Variants in STK32B observed in about 807,000 individuals in gnomAD.
STK32B encodes serine/threonine-protein kinase 32B.
In STK32B, 43 loss-of-function variants were observed where a neutral mutation model predicts 52.6. The ratio of observed to expected loss-of-function variants is 0.82; its 90% CI spans 0.64 to 1.05. The LOEUF (loss-of-function observed/expected upper bound fraction) is 1.05, where lower values mean the gene tolerates loss of function less well. Ranked by LOEUF, STK32B falls within the 50% of genes least tolerant of loss-of-function variation. The probability of loss-of-function intolerance (pLI) is 0.00; values close to 1 mark genes in which losing one functional copy is unlikely to be tolerated. For synonymous variants in STK32B, 238 were observed against 204.3 expected (o/e 1.17, Z -1.41); for missense variants, 621 against 534.6 (o/e 1.16, Z -1.59).
intron 3 of STK32B, among the ~76,000 whole-genome samples, chr4:5,312,991 C>A (rs925441931): frequency 2.6e-5 from 4 of 151,880 alleles, no homozygotes; most frequent in African/African-American, 9.7e-5. Flanking sequence ...CTTGTATTAT[C>A]CTGATAACAA....
the STK32B span, among the ~76,000 whole-genome samples, chr4:5,031,945 C>G: frequency 1.3e-4 from 20 of 152,332 alleles, no homozygotes; most frequent in Non-Finnish European, 2.9e-4. Context: ...AATTCCCCAA[C>G]TGGGAAACAG....
chr4:5,255,864 A>G (rs145679034), intron 3 of STK32B, among the ~76,000 whole-genome samples: 4 of 152,286 alleles, frequency 2.6e-5, no homozygotes, highest in Admixed American at 6.5e-5. Flanking sequence ...GGGGGATTCT[A>G]TGAATAAAGC....
chr4:5,086,091 T>C (rs942104092), intron 1 of STK32B, among the ~76,000 whole-genome samples: 4 of 152,152 alleles, frequency 2.6e-5, no homozygotes, highest in Non-Finnish European at 5.9e-5. Flanking sequence ...GTGCAAACAA[T>C]AGACTAAAAA....
intron 11 of STK32B, among the ~76,000 whole-genome samples, chr4:5,498,479 A>ATGAC (rs1241695783): frequency 6.6e-6 from 1 of 152,176 alleles, no homozygotes; most frequent in Non-Finnish European, 1.5e-5. Flanking sequence ...GACAAAGAAT[A>ATGAC]TGACTGTTTG....
chr4:5,107,406 C>T (rs993412684), intron 1 of STK32B, among the ~76,000 whole-genome samples: 8 of 152,278 alleles, frequency 5.3e-5, no homozygotes, highest in East Asian at 1.9e-4. Flanking sequence ...AAATCATCCT[C>T]CCCTTCCCCC....
In STK32B at chr4:5,368,187, A is replaced by G. The variant is rs549860977; in HGVS notation, c.435-30020A>G. ...ACATCCTCTACCCGGAGGTGTCCCA[A>G]TAGTAATCACAATGGCAAACTCACC... On this transcript the variant is annotated intron_variant, in intron 4 of 11. Transcript: ENST00000282908. Among the ~76,000 whole-genome samples, 12 of 152,016 alleles carry G rather than the reference A, an allele frequency of 7.9e-5. No homozygotes were observed. In the South Asian group the frequency reaches 1.0e-3, roughly 13 times the overall value.
At chr4:5,228,977 A>G (rs1428813599) in intron 3 of STK32B, among the ~76,000 whole-genome samples, 2 of 152,182 alleles carry the variant, frequency 1.3e-5, no homozygotes, top group African/African-American at 4.8e-5. Context: ...CAAAAGAAAA[A>G]AAAAGTTATG....
At chr4:5,439,064 T>G (rs535241481) in intron 6 of STK32B, among the ~76,000 whole-genome samples, 1 of 149,414 alleles carries the variant, frequency 6.7e-6, no homozygotes. Flanking sequence ...AATAAACATA[T>G]GTGTGCATGT....
rs747687413 is a variant in STK32B, at chr4:5,069,629, CAT to C, written c.52+17715_52+17716del. Among the ~76,000 whole-genome samples the C allele has an allele frequency of 5.9e-5, 9 of 152,318 alleles. No homozygotes were observed. The East Asian group carries it at 1.4e-3, about 23-fold the overall frequency. On this transcript the variant is annotated intron_variant, in intron 1 of 11. Transcript: ENST00000282908. Reference sequence around the variant, plus strand: ...TCACCTCTCTGACCCTCAGTCTCCTCATGTGTAAAGTGAGGGTTAAATGGTAC... The same window carrying C: ...TCACCTCTCTGACCCTCAGTCTCCTCGTGTAAAGTGAGGGTTAAATGGTAC...
chr4:5,352,629 A>C (rs1560344739), intron 4 of STK32B, among the ~76,000 whole-genome samples: 1 of 151,070 alleles, frequency 6.6e-6, no homozygotes, highest in Non-Finnish European at 1.5e-5. Context: ...AAAAAAAAAA[A>C]AACGTCCAAA....
chr4:5,275,454 C>T (rs371905242), intron 3 of STK32B, among the ~76,000 whole-genome samples: 1 of 152,190 alleles, frequency 6.6e-6, no homozygotes, highest in African/African-American at 2.4e-5. Context: ...TCTGGGCACT[C>T]TCTCACCCAG....
intron 3 of STK32B, among the ~76,000 whole-genome samples, chr4:5,233,010 A>G (rs140360922): frequency 3.6e-4 from 55 of 152,264 alleles, no homozygotes; most frequent in African/African-American, 1.2e-3. Flanking sequence ...GTCCCAGGTA[A>G]TGCTGTGCTA....
intron 11 of STK32B, among the ~76,000 whole-genome samples, chr4:5,498,483 CTGTT>C (rs551522120): frequency 5.8e-4 from 89 of 152,288 alleles, no homozygotes; most frequent in Non-Finnish European, 9.3e-4. Flanking sequence ...AAGAATATGA[CTGTT>C]TGGCTTGCCA....
chr4:5,099,445 T>TGCACGC (rs371432040), intron 1 of STK32B, among the ~76,000 whole-genome samples: 6 of 77,028 alleles, frequency 7.8e-5, no homozygotes, highest in Non-Finnish European at 1.6e-4. Flanking sequence ...TGTGTGTGTG[T>TGCACGC]GTGTGCGCGC....
intron 2 of STK32B, among the ~76,000 whole-genome samples, chr4:5,143,060 T>A (rs1342373037): frequency 6.6e-6 from 1 of 152,200 alleles, no homozygotes; most frequent in Non-Finnish European, 1.5e-5. Flanking sequence ...CCTACAGTTG[T>A]GTGAACCAGT....
At chr4:5,417,820 G>GT (rs1477666337) in intron 6 of STK32B, among the ~76,000 whole-genome samples, 3 of 152,296 alleles carry the variant, frequency 2.0e-5, no homozygotes, top group Non-Finnish European at 4.4e-5. Context: ...TGACCAAGTG[G>GT]TTTTTCCTCA....
chr4:5,354,016 A>G (rs1315927637), intron 4 of STK32B, among the ~76,000 whole-genome samples: 1 of 152,238 alleles, frequency 6.6e-6, no homozygotes, highest in African/African-American at 2.4e-5. Flanking sequence ...GATAAAGAAA[A>G]TGTGATACAT....
intron 3 of STK32B, among the ~76,000 whole-genome samples, chr4:5,272,210 A>C (rs1166707093): frequency 1.4e-5 from 2 of 142,850 alleles, no homozygotes; most frequent in Non-Finnish European, 3.0e-5. Context: ...AGTTTTTAGC[A>C]TGAAGGGTTG....
intron 1 of STK32B, among the ~76,000 whole-genome samples, chr4:5,070,479 A>C (rs1160238757): frequency 6.6e-6 from 1 of 152,182 alleles, no homozygotes; most frequent in Non-Finnish European, 1.5e-5. Flanking sequence ...GGAAAACAAT[A>C]AAAGTCCTTG....
Sources: gnomAD v4.1 joint callset for allele counts (sites outside exome capture counted in the v4.1 genomes callset) on GRCh38, gnomAD v4.1.1 for gene constraint, MANE v1.5 for transcripts, NCBI Gene and HGNC (gene_info 2026-07-23, HGNC 2026-07-21) for gene names.